BRIP1: variants seen among roughly 807,000 people sequenced by gnomAD.
BRIP1 encodes the protein Fanconi anemia group J protein.
BRIP1 carries 88 observed loss-of-function variants against 119.7 expected under a neutral mutation model. The observed-to-expected ratio is 0.74, with a 90% CI of 0.62 to 0.88. The LOEUF (loss-of-function observed/expected upper bound fraction) is 0.88, where lower values mean the gene tolerates loss of function less well. Among genes scored for constraint, BRIP1 ranks in the 40% least tolerant of loss-of-function variants. The pLI is 0.00. For synonymous variants in BRIP1, 443 were observed against 496.5 expected (o/e 0.89, Z 1.43); for missense variants, 1,259 against 1,455.4 (o/e 0.87, Z 2.20).
Position 61,740,856 on chromosome 17 carries a change from C to T in BRIP1, c.2379+2157G>A, listed in dbSNP as rs1257475755. 3.3e-5 allele frequency among the ~76,000 whole-genome samples: 5 copies of T among 152,192 alleles called. No individual in the cohort carries two copies. Among genetic ancestry groups the T allele is most frequent in the African/African-American group, 7.2e-5 (3 of 41,442 alleles). On this transcript the variant is annotated intron_variant, in intron 16 of 19. Coordinates refer to ENST00000259008, the MANE Select transcript of BRIP1 (RefSeq NM_032043.3). This position sits in a 1 kb window ranked among gnomAD's most constrained non-coding sequence, Gnocchi z 5.4. ...GTCTTGCCTCAATGATGACTGCTGA[C>T]TGATCAGGGTGGTGGTTGCTAACGT...
chr17:61,827,929 GA>G lies in BRIP1; in HGVS notation c.627+19171del, dbSNP rs1287943505. The stretch of plus-strand genomic sequence containing the variant: ...ATAATGAGGTTGGCAAAGATGTGGA[GA>G]AACTGGAACCCCTGTGCATTGCTGA... On this transcript the variant is annotated intron_variant, in intron 6 of 19. Transcript: ENST00000259008. This position sits in a 1 kb window ranked among gnomAD's most constrained non-coding sequence, Gnocchi z 5.8. Among the ~76,000 whole-genome samples the G allele has an allele frequency of 6.6e-6, 1 of 152,188 alleles. No individual in the cohort carries two copies. The highest frequency in any genetic ancestry group is 2.4e-5 in the African/African-American group (1 of 41,440).
intron 4 of BRIP1, 60 bp from the exon 5 acceptor site, chr17:61,849,316 G>C (rs2078783724): frequency 7.0e-7 from 1 of 1,431,900 alleles, no homozygotes. Context: ...AATTTTTCTA[G>C]AAGAAAACTG....
At chr17:61,696,118 A>C (rs1293768773) in intron 17 of BRIP1, among the ~76,000 whole-genome samples, 4 of 151,910 alleles carry the variant, frequency 2.6e-5, no homozygotes, top group Non-Finnish European at 4.4e-5. Flanking sequence ...AGATGACCTC[A>C]TTAAAGCTAA....
At position 61,795,182 on chromosome 17, in the gene BRIP1, T is replaced by A. The variant is rs2077880903; in HGVS notation, c.1341-1453A>T. On this transcript the variant is annotated intron_variant, in intron 9 of 19. Coordinates refer to ENST00000259008, the MANE Select transcript of BRIP1 (RefSeq NM_032043.3). This position sits in a 1 kb window ranked among gnomAD's most constrained non-coding sequence, Gnocchi z 5.6. Reference sequence around the variant, plus strand: ...GATACAGGCATGCAATATGTAATAATCACATCATGGAAGATGGGGTATCCA... The same window carrying A: ...GATACAGGCATGCAATATGTAATAAACACATCATGGAAGATGGGGTATCCA... Among the ~76,000 whole-genome samples the A allele has an allele frequency of 6.6e-6, 1 of 152,064 alleles. No homozygotes were observed. The highest frequency in any genetic ancestry group is 6.6e-5 in the Admixed American group (1 of 15,244).
In BRIP1 at chr17:61,824,660, T is replaced by A. The variant is rs11651601; in HGVS notation, c.628-15903A>T. Among the ~76,000 whole-genome samples, 3 of 151,928 alleles carry A rather than the reference T, an allele frequency of 2.0e-5. No individual in the cohort carries two copies. The highest frequency in any genetic ancestry group is 1.3e-4 in the Admixed American group (2 of 15,272). On this transcript the variant is annotated intron_variant, in intron 6 of 19. Coordinates refer to ENST00000259008, the MANE Select transcript of BRIP1 (RefSeq NM_032043.3). This position sits in a 1 kb window ranked among gnomAD's most constrained non-coding sequence, Gnocchi z 4.3. ...AATATATGGAAAAATTAACTCTACA[T>A]GGATCAAAACCTTAAATATAAAAGC...
Position 61,804,451 on chromosome 17 carries a change from T to G in BRIP1, c.919-2977A>C, listed in dbSNP as rs1006317679. On this transcript the variant is annotated intron_variant, in intron 7 of 19. Coordinates refer to ENST00000259008, the MANE Select transcript of BRIP1 (RefSeq NM_032043.3). This position sits in a 1 kb window ranked among gnomAD's most constrained non-coding sequence, Gnocchi z 4.5. ...GTGTGTGTGTGTGTGTGTGTGTATG[T>G]GTGTGTACATACACATACATATATA... Among the ~76,000 whole-genome samples, 6 of 149,206 alleles carry G rather than the reference T, an allele frequency of 4.0e-5. No individual in the cohort carries two copies. Among genetic ancestry groups the G allele is most frequent in the African/African-American group, 1.5e-4 (6 of 41,012 alleles).
intron 16 of BRIP1, among the ~76,000 whole-genome samples, chr17:61,716,836 T>TTTCCACTACTGGAAATAA (rs2061886136): frequency 4.7e-4 from 7 of 14,788 alleles, no homozygotes; most frequent in Non-Finnish European, 4.7e-4. Flanking sequence ...TACTGGATTA[T>TTTCCACTACTGGAAATAA]TAGCTATGTC....
At chr17:61,820,364 T>G (rs2078302162) in intron 6 of BRIP1, among the ~76,000 whole-genome samples, 1 of 152,212 alleles carries the variant, frequency 6.6e-6, no homozygotes, top group African/African-American at 2.4e-5. Flanking sequence ...ATGTTTTGAA[T>G]GGCTACACAG....
rs8068665 is a variant in BRIP1, at chr17:61,804,446, G to A, written c.919-2972C>T. On this transcript the variant is annotated intron_variant, in intron 7 of 19. Transcript: ENST00000259008. This position sits in a 1 kb window ranked among gnomAD's most constrained non-coding sequence, Gnocchi z 4.5. The stretch of plus-strand genomic sequence containing the variant: ...TGTGTGTGTGTGTGTGTGTGTGTGT[G>A]TATGTGTGTGTACATACACATACAT... 0.1 allele frequency among the ~76,000 whole-genome samples: 14,014 copies of A among 140,398 alleles called. 1,304 individuals carry two copies. The highest frequency in any genetic ancestry group is 0.15 in the Middle Eastern group (41 of 270). 92.1% of individuals were successfully genotyped at this position (140,398 alleles called of 152,430 possible).
rs191304624 is a variant in BRIP1 at position 61,748,382 on chromosome 17, C to G, written c.2098-3791G>C. Among the ~76,000 whole-genome samples, 37 of 152,254 alleles carry G rather than the reference C, an allele frequency of 2.4e-4. No individual in the cohort carries two copies. Among genetic ancestry groups the G allele is most frequent in the African/African-American group, 8.4e-4 (35 of 41,528 alleles). ...CCCTGGTGCTAAGAAGGTTGGGGAC[C>G]ATTGATTTTAAAGACTAATACAAAT... On this transcript the variant is annotated intron_variant, in intron 14 of 19. Coordinates refer to ENST00000259008, the MANE Select transcript of BRIP1 (RefSeq NM_032043.3). The surrounding 1 kb of genome is among the most constrained non-coding windows in gnomAD (Gnocchi z 4.7).
At chr17:61,858,698 C>T (rs2078932828) in intron 3 of BRIP1, among the ~76,000 whole-genome samples, 1 of 152,050 alleles carries the variant, frequency 6.6e-6, no homozygotes, top group African/African-American at 2.4e-5. Context: ...TAGTAACAAA[C>T]ATTTCATTTT....
Position 61,851,323 on chromosome 17 carries a change from G to C in BRIP1, c.380-2067C>G, listed in dbSNP as rs1192307716. Among the ~76,000 whole-genome samples, 1 of 152,150 alleles carries C rather than the reference G, an allele frequency of 6.6e-6. No individual in the cohort carries two copies. The highest frequency in any genetic ancestry group is 1.5e-5 in the Non-Finnish European group (1 of 68,026). On this transcript the variant is annotated intron_variant, in intron 4 of 19. Transcript: ENST00000259008. The surrounding 1 kb of genome is among the most constrained non-coding windows in gnomAD (Gnocchi z 4.6). Reference sequence around the variant, plus strand: ...ATCCACTTTCCCCCTTCCCTTATGAGTCATGTTTCTTTCTTTATAAGGTTC... The same window carrying C: ...ATCCACTTTCCCCCTTCCCTTATGACTCATGTTTCTTTCTTTATAAGGTTC...
Position 61,736,733 on chromosome 17 carries a change from C to T in BRIP1, c.2379+6280G>A, listed in dbSNP as rs1318249986. On this transcript the variant is annotated intron_variant, in intron 16 of 19. Coordinates refer to ENST00000259008, the MANE Select transcript of BRIP1 (RefSeq NM_032043.3). The surrounding 1 kb of genome is among the most constrained non-coding windows in gnomAD (Gnocchi z 4.4). ...TAAACACTGTGTTTTTAGGTAATATCTTAGTTGTAGAGACACAAAGATGCT... is the reference window on the plus strand; with the variant it reads ...TAAACACTGTGTTTTTAGGTAATATTTTAGTTGTAGAGACACAAAGATGCT... Among the ~76,000 whole-genome samples the T allele has an allele frequency of 6.6e-6, 1 of 152,134 alleles. No homozygotes were observed. Among genetic ancestry groups the T allele is most frequent in the African/African-American group, 2.4e-5 (1 of 41,440 alleles).
At position 61,684,776 on chromosome 17, in the gene BRIP1, C is replaced by A. The variant is rs946084212; in HGVS notation, c.2906-636G>T. The A allele has an allele frequency of 6.6e-6, 1 of 150,702 alleles. No homozygotes were observed. Among genetic ancestry groups the A allele is most frequent in the Non-Finnish European group, 1.5e-5 (1 of 67,728 alleles). 9.3% of individuals were successfully genotyped at this position (150,702 alleles called of 1,614,324 possible). A position where few individuals can be genotyped will look rare whatever the true frequency, so the allele number is the denominator to read the frequency against. Reference sequence around the variant, plus strand: ...ATTGATGTTTTTCTTTTTTTTAGTCCGAGTTTTGCTTTTGTTGCCCAGGCT... The same window carrying A: ...ATTGATGTTTTTCTTTTTTTTAGTCAGAGTTTTGCTTTTGTTGCCCAGGCT... On this transcript the variant is annotated intron_variant, in intron 19 of 19. Coordinates refer to ENST00000259008, the MANE Select transcript of BRIP1 (RefSeq NM_032043.3). This position sits in a 1 kb window ranked among gnomAD's most constrained non-coding sequence, Gnocchi z 4.5.
intron 13 of BRIP1, among the ~76,000 whole-genome samples, chr17:61,777,274 A>T (rs2077549090): frequency 6.6e-6 from 1 of 152,216 alleles, no homozygotes; most frequent in Admixed American, 6.5e-5. Flanking sequence ...GAAAAAAACA[A>T]ACTTTTTCCT....
At chr17:61,733,743 A>G (rs2076881348) in intron 16 of BRIP1, among the ~76,000 whole-genome samples, 1 of 152,170 alleles carries the variant, frequency 6.6e-6, no homozygotes, top group Non-Finnish European at 1.5e-5. Flanking sequence ...GACAATTCAG[A>G]TCACTATGCG....
At position 61,735,333 on chromosome 17, in the gene BRIP1, T is replaced by C; in HGVS notation, c.2379+7680A>G. Among the ~76,000 whole-genome samples, 1 of 152,310 alleles carries C rather than the reference T, an allele frequency of 6.6e-6. No homozygotes were observed. The highest frequency in any genetic ancestry group is 1.9e-4 in the East Asian group (1 of 5,188). On this transcript the variant is annotated intron_variant, in intron 16 of 19. Transcript: ENST00000259008. This position sits in a 1 kb window ranked among gnomAD's most constrained non-coding sequence, Gnocchi z 4.4. ...AGTTATTCCCATGATTTTTTAATTT[T>C]ATTTTTTTCCTCACAATTTTATTAA...
chr17:61,683,065 A>C lies in BRIP1; in HGVS notation c.*231T>G. 1 of 476,208 alleles carries C rather than the reference A, an allele frequency of 2.1e-6. No individual in the cohort carries two copies. Among genetic ancestry groups the C allele is most frequent in the Non-Finnish European group, 3.7e-6 (1 of 268,990 alleles). The allele number at this position is 476,208 out of a possible 1,614,324, so 29.5% of individuals were successfully genotyped here. Reference sequence around the variant, plus strand: ...GAGAATCACTTGAACCTGGAGGTGAAGGTTGCAGTGAGCCCAGAGCACACC... The same window carrying C: ...GAGAATCACTTGAACCTGGAGGTGACGGTTGCAGTGAGCCCAGAGCACACC... On this transcript the variant is annotated 3_prime_UTR_variant, in exon 20 of 20. Coordinates refer to ENST00000259008, the MANE Select transcript of BRIP1 (RefSeq NM_032043.3). The surrounding 1 kb of genome is among the most constrained non-coding windows in gnomAD (Gnocchi z 4.7).
At position 61,805,569 on chromosome 17, in the gene BRIP1, G is replaced by C. The variant is rs189428338; in HGVS notation, c.918+2898C>G. Among the ~76,000 whole-genome samples, 217 of 152,188 alleles carry C rather than the reference G, an allele frequency of 1.4e-3. 1 individual carries two copies. Among genetic ancestry groups the C allele is most frequent in the Middle Eastern group, 3.4e-3 (1 of 294 alleles). Reference sequence around the variant, plus strand: ...CCTTGCTAATTACTTGTCTGACTGAGAAAACTCCAGGGCCCATTTTTCTCA... The same window carrying C: ...CCTTGCTAATTACTTGTCTGACTGACAAAACTCCAGGGCCCATTTTTCTCA... On this transcript the variant is annotated intron_variant, in intron 7 of 19. Transcript: ENST00000259008. The surrounding 1 kb of genome is among the most constrained non-coding windows in gnomAD (Gnocchi z 5.6).
Sources: allele counts gnomAD v4.1 joint callset (sites outside exome capture counted in the v4.1 genomes callset), GRCh38; gene constraint gnomAD v4.1.1; non-coding constraint Gnocchi (gnomAD v3.1); transcripts MANE v1.5; gene names NCBI Gene and HGNC (gene_info 2026-07-23, HGNC 2026-07-21).